The following TRMT11 variants were observed in gnomAD, a reference collection of about 807,000 sequenced individuals.
TRMT11 encodes tRNA (guanine(10)-N(2))-methyltransferase TRMT11.
TRMT11 carries 53 observed loss-of-function variants against 62.8 expected under a neutral mutation model. That is an observed-to-expected ratio of 0.84 (90% CI 0.68 to 1.06). The LOEUF (loss-of-function observed/expected upper bound fraction) is 1.06, where lower values mean the gene tolerates loss of function less well. Ranked by LOEUF, TRMT11 falls within the 50% of genes least tolerant of loss-of-function variation. TRMT11 has a pLI of 0.00. For synonymous variants in TRMT11, 188 were observed against 190.3 expected (o/e 0.99, Z 0.10); for missense variants, 556 against 553.4 (o/e 1.00, Z -0.05).
chr6:126,172,705 C>T (rs1197270356), upstream of TRMT11, among the ~76,000 whole-genome samples: 2 of 152,150 alleles, frequency 1.3e-5, no homozygotes, highest in African/African-American at 4.8e-5. Context: ...GAAATCTTTG[C>T]AAACTAGAGT....
intron 17 of TRMT11, among the ~76,000 whole-genome samples, chr6:126,100,061 C>T (rs73773357): frequency 6.6e-6 from 1 of 151,998 alleles, no homozygotes; most frequent in East Asian, 1.9e-4. Flanking sequence ...AGACCATGCC[C>T]ACCGGTGACA....
chr6:126,000,549 T>C (rs1301597868), intron 7 of TRMT11, among the ~76,000 whole-genome samples: 1 of 152,102 alleles, frequency 6.6e-6, no homozygotes, highest in Non-Finnish European at 1.5e-5. Context: ...GGTTATACAG[T>C]ATATTGGTTT....
intron 17 of TRMT11, among the ~76,000 whole-genome samples, chr6:126,108,908 T>C (rs998781491): frequency 2.0e-5 from 3 of 152,182 alleles, no homozygotes; most frequent in African/African-American, 7.2e-5. Flanking sequence ...TTCTACTATA[T>C]GGAATTAATC....
At chr6:126,041,809 A>G (rs546277256), downstream of TRMT11, among the ~76,000 whole-genome samples, 1 of 152,306 alleles carries the variant, frequency 6.6e-6, no homozygotes, top group East Asian at 1.9e-4. Context: ...AGAATAAATT[A>G]TTCCAAAATA....
At chr6:126,076,050 C>T (rs550495617) in intron 17 of TRMT11, among the ~76,000 whole-genome samples, 83 of 149,788 alleles carry the variant, frequency 5.5e-4, no homozygotes, top group Middle Eastern at 3.5e-3. Context: ...TTTTTGTCAA[C>T]TAGAATTGTA....
At position 125,999,510 on chromosome 6, in the gene TRMT11, C is replaced by G. The variant is rs759354758; in HGVS notation, c.576C>G (p.His192Gln). The change falls in exon 7 of 13, where the codon CAC becomes CAG. Residue 192 changes from histidine to glutamine, a missense_variant. Transcript: ENST00000334379. ...AGTCATACAGTGTCAAAAAGAGACA[C>G]TTTATTGGAAATACAAGTATGGATG... The part of the protein sequence containing the change: ...LIESYSVKKR[H>Q]FIGNTSMDAG... 2 of 1,611,434 alleles carry G rather than the reference C, an allele frequency of 1.2e-6. No individual in the cohort carries two copies. Among genetic ancestry groups the G allele is most frequent in the Admixed American group, 3.3e-5 (2 of 59,914 alleles).
At chr6:126,131,054 A>G (rs1364166933) in intron 21 of TRMT11, among the ~76,000 whole-genome samples, 2 of 152,084 alleles carry the variant, frequency 1.3e-5, no homozygotes, top group East Asian at 3.9e-4. Context: ...ATTTGTAGAT[A>G]TTTACATTTA....
At chr6:126,009,368 T>C (rs1008099361) in intron 8 of TRMT11, 22 of 152,110 alleles carry the variant, frequency 1.4e-4, no homozygotes, top group African/African-American at 5.1e-4. Flanking sequence ...CTCTAGAAGC[T>C]TCAATAATGA....
At chr6:126,258,200 T>C in the TRMT11 span, 1 of 671,432 alleles carries the variant, frequency 1.5e-6, no homozygotes, top group East Asian at 3.4e-5. Context: ...GATGGTGACC[T>C]TCCCTTGGCG....
At chr6:126,084,131 T>C (rs991454607) in intron 17 of TRMT11, among the ~76,000 whole-genome samples, 32 of 152,182 alleles carry the variant, frequency 2.1e-4, no homozygotes, top group Non-Finnish European at 3.7e-4. Context: ...CTGGGTCATA[T>C]AGTAGTTTTA....
intron 12 of TRMT11, among the ~76,000 whole-genome samples, chr6:126,027,836 A>G (rs1380174038): frequency 6.6e-6 from 1 of 152,206 alleles, no homozygotes; most frequent in African/African-American, 2.4e-5. Context: ...GGACTGAAAG[A>G]TTTTGAAGCT....
the TRMT11 span, among the ~76,000 whole-genome samples, chr6:126,220,808 T>C: frequency 1.8e-4 from 28 of 152,148 alleles, no homozygotes; most frequent in African/African-American, 6.3e-4. Context: ...AGGTTTGTTA[T>C]ATGGGTAAAT....
the TRMT11 span, among the ~76,000 whole-genome samples, chr6:126,259,693 T>A: frequency 6.6e-6 from 1 of 152,214 alleles, no homozygotes. Context: ...TATAATTGCA[T>A]CTCAGTTTCT....
intron 17 of TRMT11, among the ~76,000 whole-genome samples, chr6:126,092,156 G>A (rs532057537): frequency 1.3e-5 from 2 of 152,244 alleles, no homozygotes; most frequent in South Asian, 2.1e-4. Flanking sequence ...GTTTAATTAC[G>A]ATGACTTATA....
the TRMT11 span, among the ~76,000 whole-genome samples, chr6:126,247,510 A>C: frequency 0.016 from 2,326 of 146,240 alleles, 56 homozygotes; most frequent in African/African-American, 0.049. Context: ...ATCTCTCTCT[A>C]TATATAAATA....
At chr6:126,088,066 A>G (rs1196964016) in intron 17 of TRMT11, among the ~76,000 whole-genome samples, 1 of 152,050 alleles carries the variant, frequency 6.6e-6, no homozygotes, top group Non-Finnish European at 1.5e-5. Context: ...TTTAATGACC[A>G]TTATTAGCAC....
At chr6:126,203,977 A>G (rs985558275), downstream of TRMT11, among the ~76,000 whole-genome samples, 1 of 151,208 alleles carries the variant, frequency 6.6e-6, no homozygotes, top group Non-Finnish European at 1.5e-5. Flanking sequence ...TCTGTTTTCA[A>G]TAATGACTTT....
the TRMT11 span, among the ~76,000 whole-genome samples, chr6:126,266,978 A>G: frequency 1.2e-4 from 18 of 152,348 alleles, no homozygotes; most frequent in African/African-American, 4.3e-4. Flanking sequence ...TGTACTGACA[A>G]TAAGAGTGAC....
intron 17 of TRMT11, among the ~76,000 whole-genome samples, chr6:126,080,981 C>G (rs1337672613): frequency 1.3e-5 from 2 of 152,106 alleles, no homozygotes; most frequent in African/African-American, 4.8e-5. Context: ...GATAGTAAAC[C>G]AGAAGTGATA....
Sources: gnomAD v4.1 joint callset for allele counts (sites outside exome capture counted in the v4.1 genomes callset) on GRCh38, gnomAD v4.1.1 for gene constraint, MANE v1.5 for transcripts, NCBI Gene and HGNC (gene_info 2026-07-23, HGNC 2026-07-21) for gene names.